STT3B: variants seen among roughly 807,000 people sequenced by gnomAD.
The protein encoded by STT3B is STT3 oligosaccharyltransferase complex catalytic subunit B, also known as dolichyl-diphosphooligosaccharide--protein glycosyltransferase subunit STT3B.
STT3B carries 29 observed loss-of-function variants against 96.8 expected under a neutral mutation model. That is an observed-to-expected ratio of 0.30 (90% CI 0.22 to 0.41). The LOEUF (loss-of-function observed/expected upper bound fraction) is 0.41. Among genes scored for constraint, STT3B ranks in the 10% least tolerant of loss-of-function variants. STT3B has a pLI of 1.00. For synonymous variants in STT3B, 367 were observed against 360.0 expected (o/e 1.02, Z -0.22); for missense variants, 640 against 1,022.3 (o/e 0.63, Z 5.10).
intron 5 of STT3B, among the ~76,000 whole-genome samples, chr3:31,601,222 C>T (rs545925082): frequency 6.6e-6 from 1 of 152,252 alleles, no homozygotes; most frequent in South Asian, 2.1e-4. Context: ...GAACCGAAAA[C>T]ATATATTCAT....
intron 1 of STT3B, among the ~76,000 whole-genome samples, chr3:31,552,618 A>G (rs1697588816): frequency 6.6e-6 from 1 of 152,082 alleles, no homozygotes; most frequent in Non-Finnish European, 1.5e-5. Context: ...AACCCTTACG[A>G]GTGTTCTTTC....
chr3:31,546,932 A>G (rs1244327311), intron 1 of STT3B, among the ~76,000 whole-genome samples: 4 of 152,192 alleles, frequency 2.6e-5, no homozygotes, highest in Admixed American at 1.3e-4. Context: ...CCAGGGTGAC[A>G]TTTTTGTTAC....
chr3:31,611,555 A>G (rs1039204195), intron 5 of STT3B, among the ~76,000 whole-genome samples: 4 of 152,146 alleles, frequency 2.6e-5, no homozygotes, highest in African/African-American at 9.7e-5. Flanking sequence ...GCTGGAGTGC[A>G]GTGCGATTTC....
chr3:31,579,984 T>C lies in STT3B; in HGVS notation c.599T>C (p.Leu200Ser). The C allele has an allele frequency of 6.2e-7, 1 of 1,613,900 alleles. No homozygotes were observed. The highest frequency in any genetic ancestry group is 1.1e-5 in the South Asian group (1 of 91,066). Reference sequence around the variant, plus strand: ...CTTTGGAACCAAGGAGCAGGACTTTTAGCTGCTTGTTTTATTGCTATTGTA... The same window carrying C: ...CTTTGGAACCAAGGAGCAGGACTTTCAGCTGCTTGTTTTATTGCTATTGTA... ...RELWNQGAGL[L>S]AACFIAIVPG... Residue 200 changes from leucine (L) to serine (S), a missense_variant, in exon 3 of 16, where the codon TTA (leucine) becomes TCA (serine). Physicochemically the swap from Leu to Ser is moderately radical, Grantham distance 145. Transcript: ENST00000295770.
chr3:31,580,921 A>G (rs181890769), intron 3 of STT3B, among the ~76,000 whole-genome samples: 99 of 151,096 alleles, frequency 6.6e-4, no homozygotes, highest in African/African-American at 2.3e-3. Flanking sequence ...CTCTTTGTTT[A>G]TTGTGTGCAG....
intron 1 of STT3B, among the ~76,000 whole-genome samples, chr3:31,548,044 T>A (rs1456706750): frequency 6.6e-6 from 1 of 152,204 alleles, no homozygotes; most frequent in African/African-American, 2.4e-5. Flanking sequence ...TTTGACCAAG[T>A]AATGTTTGGT....
chr3:31,538,971 AGGTG>A (rs1335297139), intron 1 of STT3B, among the ~76,000 whole-genome samples: 1 of 152,100 alleles, frequency 6.6e-6, no homozygotes, highest in Non-Finnish European at 1.5e-5. Flanking sequence ...ATATATTAGG[AGGTG>A]AGGATTAGCG....
At chr3:31,562,687 C>T (rs1448086431) in intron 1 of STT3B, among the ~76,000 whole-genome samples, 1 of 152,168 alleles carries the variant, frequency 6.6e-6, no homozygotes, top group African/African-American at 2.4e-5. Context: ...TCTGCAGCAG[C>T]CTGCAGCCCT....
At chr3:31,622,715 T>C (rs1699455307) in intron 10 of STT3B, among the ~76,000 whole-genome samples, 1 of 152,192 alleles carries the variant, frequency 6.6e-6, no homozygotes, top group Admixed American at 6.5e-5. Context: ...TTTCAAAATA[T>C]TTTGGAAGTG....
At chr3:31,546,745 G>T (rs546163853) in intron 1 of STT3B, among the ~76,000 whole-genome samples, 2 of 152,266 alleles carry the variant, frequency 1.3e-5, no homozygotes, top group East Asian at 3.9e-4. Context: ...TTAGTAGGAG[G>T]TTATATGTAT....
At chr3:31,611,299 A>G (rs1699174323) in intron 5 of STT3B, among the ~76,000 whole-genome samples, 1 of 152,170 alleles carries the variant, frequency 6.6e-6, no homozygotes, top group Non-Finnish European at 1.5e-5. Flanking sequence ...ATTTGTTTAC[A>G]TCTCTGATTT....
chr3:31,551,068 A>T (rs1159391492), intron 1 of STT3B, among the ~76,000 whole-genome samples: 1 of 152,194 alleles, frequency 6.6e-6, no homozygotes, highest in East Asian at 1.9e-4. Flanking sequence ...CTAATAGGGT[A>T]AAGGAGAAAG....
At chr3:31,553,736 GA>G (rs368919777) in intron 1 of STT3B, among the ~76,000 whole-genome samples, 3 of 151,748 alleles carry the variant, frequency 2.0e-5, no homozygotes, top group Admixed American at 2.0e-4. Context: ...TTTTAAAAAT[GA>G]AAAAAAATGA....
chr3:31,596,369 C>A (rs536965576), intron 3 of STT3B, among the ~76,000 whole-genome samples: 1 of 151,990 alleles, frequency 6.6e-6, no homozygotes, highest in African/African-American at 2.4e-5. Flanking sequence ...CACCTCATTG[C>A]GTAGGGTGTG....
intron 10 of STT3B, among the ~76,000 whole-genome samples, chr3:31,623,227 G>A (rs1384970962): frequency 6.6e-6 from 1 of 152,140 alleles, no homozygotes; most frequent in Non-Finnish European, 1.5e-5. Flanking sequence ...TTCGAAATCG[G>A]AAGACTGATT....
chr3:31,559,537 CATTTT>C (rs1282129257), intron 1 of STT3B, among the ~76,000 whole-genome samples: 1 of 151,788 alleles, frequency 6.6e-6, no homozygotes, highest in African/African-American at 2.4e-5. Flanking sequence ...ATTGATTTCT[CATTTT>C]ATTTTGTTGT....
intron 10 of STT3B, 75 bp from the exon 11 acceptor site, chr3:31,623,599 A>G (rs1034514507): frequency 4.3e-6 from 5 of 1,167,970 alleles, no homozygotes; most frequent in East Asian, 2.5e-5. Context: ...CAGTCTCTCA[A>G]CTTTTTCCAT....
At chr3:31,569,603 G>T (rs1698089882) in intron 1 of STT3B, among the ~76,000 whole-genome samples, 1 of 152,070 alleles carries the variant, frequency 6.6e-6, no homozygotes, top group African/African-American at 2.4e-5. Flanking sequence ...TGTCACACTT[G>T]CTTCAAAACA....
intron 5 of STT3B, among the ~76,000 whole-genome samples, chr3:31,608,655 G>T (rs965463180): frequency 1.3e-5 from 2 of 152,156 alleles, no homozygotes; most frequent in African/African-American, 4.8e-5. Flanking sequence ...CCATTATCTA[G>T]AAGAATAGAC....
Sources: gnomAD v4.1 joint callset for allele counts (sites outside exome capture counted in the v4.1 genomes callset) on GRCh38, gnomAD v4.1.1 for gene constraint, MANE v1.5 for transcripts, NCBI Gene and HGNC (gene_info 2026-07-23, HGNC 2026-07-21) for gene names.